SPEF2: variants seen among roughly 807,000 people sequenced by gnomAD.
The protein encoded by SPEF2 is sperm flagella and cilia-associated protein 2.
Under a neutral mutation model 224.6 loss-of-function variants are expected in SPEF2, and 187 were observed. The observed-to-expected ratio is 0.83, with a 90% CI of 0.74 to 0.94. The LOEUF is 0.94. Ranked by LOEUF, SPEF2 falls within the 40% of genes least tolerant of loss-of-function variation. The pLI, the probability that SPEF2 is intolerant of heterozygous loss-of-function variation, is 0.00. For missense variants in SPEF2, 2,170 were observed against 2,135.6 expected (o/e 1.02, Z -0.32); for synonymous variants, 715 against 707.3 (o/e 1.01, Z -0.17).
chr5:35,736,282 A>G (rs1300458413), intron 21 of SPEF2, among the ~76,000 whole-genome samples: 9 of 152,218 alleles, frequency 5.9e-5, no homozygotes, highest in Admixed American at 3.9e-4. Context: ...AATCAGAAAT[A>G]TAAGGTGGAT....
At chr5:35,655,682 G>A (rs980124006) in intron 7 of SPEF2, among the ~76,000 whole-genome samples, 2 of 152,188 alleles carry the variant, frequency 1.3e-5, no homozygotes, top group South Asian at 2.1e-4. Flanking sequence ...GAAGGTGAGT[G>A]TTTCCAGACA....
Position 35,763,507 on chromosome 5 carries a change from GT to G in SPEF2, c.3621-12del, listed in dbSNP as rs774965283. ...GCAAAATTTTTTATCCTTTTTGCTT[GT>G]TTGTTTCTCAAAGAATTCCTCTAGT... On this transcript the variant is annotated splice_polypyrimidine_tract_variant and intron_variant, in intron 25 of 36. Coordinates refer to ENST00000356031, the MANE Select transcript of SPEF2 (RefSeq NM_024867.4). 3.9e-6 allele frequency: 6 copies of G among 1,531,568 alleles called. No individual in the cohort carries two copies. In the South Asian group the frequency reaches 7.8e-5, roughly 20 times the overall value. 94.9% of individuals were successfully genotyped at this position (1,531,568 alleles called of 1,614,324 possible). A position where few individuals can be genotyped will look rare whatever the true frequency, so the allele number is the denominator to read the frequency against.
In SPEF2 at chr5:35,691,098, A is replaced by G. The variant is rs772468230; in HGVS notation, c.1586A>G (p.Asn529Ser). Residue 529 changes from asparagine (N) to serine (S), a missense_variant, in exon 11 of 37, where the codon AAT (asparagine) becomes AGT (serine). Coordinates refer to ENST00000356031, the MANE Select transcript of SPEF2 (RefSeq NM_024867.4). ...GTTGACAATTTACCACCCTCCAACA[A>G]TTGCATACTGGGCCATATTCTTCAC... Reference protein sequence around the residue: ...EMVDNLPPSNNCILGHILHRL... With the variant: ...EMVDNLPPSNSCILGHILHRL... The G allele has an allele frequency of 4.3e-6, 7 of 1,613,988 alleles. No individual in the cohort carries two copies. The South Asian group carries it at 7.7e-5, about 18-fold the overall frequency.
intron 30 of SPEF2, among the ~76,000 whole-genome samples, chr5:35,786,001 G>T (rs978853918): frequency 6.6e-6 from 1 of 152,128 alleles, no homozygotes; most frequent in African/African-American, 2.4e-5. Context: ...GGCAACAGTA[G>T]CTACTTCTGC....
Position 35,807,145 on chromosome 5 carries a change from A to G in SPEF2, c.5271A>G (p.Thr1757=). ...CTTCCTTAAAGGGCTTCATAAAAACATTTCAAGACCTAGGTGCCAAGAACC... is the reference window on the plus strand; with the variant it reads ...CTTCCTTAAAGGGCTTCATAAAAACGTTTCAAGACCTAGGTGCCAAGAACC... ...ENIYAEGFIK[T]FQDLGAKNLE... Residue 1757 remains threonine, a synonymous_variant, in exon 36 of 37, where the codon ACA becomes ACG. Transcript: ENST00000356031. The G allele has an allele frequency of 1.2e-6, 2 of 1,612,014 alleles. No individual in the cohort carries two copies. Among genetic ancestry groups the G allele is most frequent in the Non-Finnish European group, 1.7e-6 (2 of 1,179,604 alleles).
chr5:35,694,428 T>C (rs891901106), intron 13 of SPEF2, 65 bp downstream of exon 13: 1 of 1,382,968 alleles, frequency 7.2e-7, no homozygotes, highest in Non-Finnish European at 1.0e-6. Flanking sequence ...AGCACATATA[T>C]GTGAGCACAA....
chr5:35,676,692 G>T (rs1752071273), intron 10 of SPEF2, among the ~76,000 whole-genome samples: 1 of 151,996 alleles, frequency 6.6e-6, no homozygotes, highest in Non-Finnish European at 1.5e-5. Flanking sequence ...TCGTGCCACT[G>T]CACTCCAGCC....
At chr5:35,788,911 C>T (rs1337723916) in intron 30 of SPEF2, 1 of 702,880 alleles carries the variant, frequency 1.4e-6, no homozygotes, top group African/African-American at 1.7e-5. Flanking sequence ...CTTTCAAAGG[C>T]CTTCACCTTC....
At chr5:35,717,774 G>C (rs568164023) in intron 20 of SPEF2, among the ~76,000 whole-genome samples, 2 of 152,314 alleles carry the variant, frequency 1.3e-5, no homozygotes, top group South Asian at 4.1e-4. Context: ...TAGTGGGCAG[G>C]CTGGTTGGAG....
Position 35,667,159 on chromosome 5 carries a change from C to G in SPEF2, c.1255C>G (p.Gln419Glu), listed in dbSNP as rs762579394. ...FHDQIAVERA[Q>E]ARYEKHYSVC... ...TGATCAGATTGCTGTGGAAAGAGCT[C>G]AAGCTCGTTATGAAAAGCATTATTC... Residue 419 changes from glutamine to glutamate, a missense_variant, in exon 9 of 37, where the codon CAA (glutamine) becomes GAA (glutamate). Coordinates refer to ENST00000356031, the MANE Select transcript of SPEF2 (RefSeq NM_024867.4). The G allele has an allele frequency of 6.2e-7, 1 of 1,612,556 alleles. No individual in the cohort carries two copies. Among genetic ancestry groups the G allele is most frequent in the Non-Finnish European group, 8.5e-7 (1 of 1,179,402 alleles).
At chr5:35,712,701 C>G in intron 19 of SPEF2, 111 bp from the exon 20 acceptor site, 1 of 1,044,584 alleles carries the variant, frequency 9.6e-7, no homozygotes, top group Non-Finnish European at 1.4e-6. Context: ...TTATGCAGTT[C>G]ACAAATGTAA....
chr5:35,739,680 G>T (rs1036691494), intron 21 of SPEF2, among the ~76,000 whole-genome samples: 1 of 152,002 alleles, frequency 6.6e-6, no homozygotes, highest in South Asian at 2.1e-4. Context: ...CACCACGACC[G>T]CCCGCCCCCA....
intron 2 of SPEF2, among the ~76,000 whole-genome samples, chr5:35,635,145 A>T (rs1315607797): frequency 6.6e-6 from 1 of 151,624 alleles, no homozygotes; most frequent in Non-Finnish European, 1.5e-5. Flanking sequence ...TCCTCTGAAT[A>T]GGTTTAGTTG....
chr5:35,639,910 A>T (rs1746357374), intron 2 of SPEF2, among the ~76,000 whole-genome samples: 1 of 152,102 alleles, frequency 6.6e-6, no homozygotes, highest in Non-Finnish European at 1.5e-5. Flanking sequence ...TTATCCTATC[A>T]TTCTGATTCT....
At chr5:35,711,645 C>T (rs965439676) in intron 19 of SPEF2, among the ~76,000 whole-genome samples, 10 of 146,028 alleles carry the variant, frequency 6.8e-5, no homozygotes, top group Non-Finnish European at 1.2e-4. Context: ...TATCATCCCC[C>T]GTCTTTCTTC....
chr5:35,675,900 C>G (rs78714600), intron 10 of SPEF2: 17,419 of 455,996 alleles, frequency 0.038, 464 homozygotes, highest in Non-Finnish European at 0.055. Flanking sequence ...TGATAGGGGT[C>G]TGGGACTTGT....
chr5:35,689,254 TAC>T (rs1331758139), intron 10 of SPEF2, among the ~76,000 whole-genome samples: 2 of 152,222 alleles, frequency 1.3e-5, no homozygotes, highest in Non-Finnish European at 2.9e-5. Flanking sequence ...TTTATTACCA[TAC>T]AGTTATAAAT....
intron 10 of SPEF2, among the ~76,000 whole-genome samples, chr5:35,682,949 G>C (rs933875149): frequency 1.3e-5 from 2 of 152,096 alleles, no homozygotes; most frequent in African/African-American, 4.8e-5. Context: ...GTGGACACAC[G>C]GGAGCTTAAG....
At chr5:35,791,473 G>A (rs1035256838) in intron 30 of SPEF2, 2 of 152,154 alleles carry the variant, frequency 1.3e-5, no homozygotes, top group Non-Finnish European at 2.9e-5. Context: ...GGGATAGTGT[G>A]TCTATGTTTC....
Sources: allele counts gnomAD v4.1 joint callset (sites outside exome capture counted in the v4.1 genomes callset), GRCh38; gene constraint gnomAD v4.1.1; transcripts MANE v1.5; gene names NCBI Gene and HGNC (gene_info 2026-07-23, HGNC 2026-07-21).